Variants in PHLDB2 observed in about 807,000 individuals in gnomAD.
PHLDB2 encodes pleckstrin homology like domain family B member 2.
Under a neutral mutation model 123.6 loss-of-function variants are expected in PHLDB2, and 71 were observed. That is an observed-to-expected ratio of 0.57 (90% CI 0.47 to 0.70). The LOEUF (loss-of-function observed/expected upper bound fraction) is 0.70, where lower values mean the gene tolerates loss of function less well. Among genes scored for constraint, PHLDB2 ranks in the 30% least tolerant of loss-of-function variants. The probability of loss-of-function intolerance (pLI) is 0.00; values close to 1 mark genes in which losing one functional copy is unlikely to be tolerated. For missense variants in PHLDB2, 1,446 were observed against 1,519.5 expected (o/e 0.95, Z 0.80); for synonymous variants, 547 against 541.6 (o/e 1.01, Z -0.14).
chr3:111,767,073 A>T (rs1376543611), intron 1 of PHLDB2, among the ~76,000 whole-genome samples: 1 of 150,126 alleles, frequency 6.7e-6, no homozygotes, highest in Admixed American at 6.6e-5. Flanking sequence ...AAACAGTATT[A>T]AAGCAAAGGA....
intron 9 of PHLDB2, among the ~76,000 whole-genome samples, chr3:111,947,408 C>T (rs956633125): frequency 2.0e-5 from 3 of 152,164 alleles, no homozygotes; most frequent in Non-Finnish European, 4.4e-5. Context: ...CTTTCCTGTA[C>T]AAAGCAGACT....
intron 1 of PHLDB2, among the ~76,000 whole-genome samples, chr3:111,818,165 G>GTTGTGT: frequency 6.8e-6 from 1 of 147,706 alleles, no homozygotes; most frequent in East Asian, 2.0e-4. Flanking sequence ...TTAAAAAACT[G>GTTGTGT]GTGTGTGTGT....
chr3:111,744,421 G>C (rs999693824), intron 1 of PHLDB2, among the ~76,000 whole-genome samples: 1 of 152,078 alleles, frequency 6.6e-6, no homozygotes, highest in African/African-American at 2.4e-5. Flanking sequence ...ATATAACTTT[G>C]GATTTATTCA....
Position 111,801,340 on chromosome 3 carries a change from A to G in PHLDB2, c.-48-44481A>G, listed in dbSNP as rs2061369961. Among the ~76,000 whole-genome samples, 3 of 152,172 alleles carry G rather than the reference A, an allele frequency of 2.0e-5. No individual in the cohort carries two copies. In the South Asian group the frequency reaches 6.2e-4, roughly 32 times the overall value. On this transcript the variant is annotated intron_variant, in intron 1 of 17. Coordinates refer to the PHLDB2 transcript ENST00000393923. ...CCTCCCTCCTCTAATCTAAGTTTCA[A>G]GGGGTAAGTAGACACAGAAACTAAA...
rs934548772 is a variant in PHLDB2 at position 111,883,980 on chromosome 3, T to C, written c.-14-84T>C. On this transcript the variant is annotated intron_variant, in intron 1 of 17. Coordinates refer to ENST00000431670, the MANE Select transcript of PHLDB2 (RefSeq NM_001134438.2). ...GTTGCATTAGGTCAGACTGCAAGAT[T>C]GTTTGTTCAGATGTAGGCCTAACAA... 37 of 1,307,498 alleles carry C rather than the reference T, an allele frequency of 2.8e-5. No homozygotes were observed. The African/African-American group carries it at 5.0e-4, about 18-fold the overall frequency. The allele number at this position is 1,307,498 out of a possible 1,614,324, so 81.0% of individuals were successfully genotyped here.
intron 4 of PHLDB2, among the ~76,000 whole-genome samples, chr3:111,919,444 C>G (rs904404672): frequency 6.6e-6 from 1 of 151,828 alleles, no homozygotes; most frequent in Non-Finnish European, 1.5e-5. Context: ...CTTTAATGTA[C>G]TTTATGAATC....
chr3:111,967,847 A>G, intron 15 of PHLDB2, 23 bp downstream of exon 15: 1 of 1,587,180 alleles, frequency 6.3e-7, no homozygotes, highest in Non-Finnish European at 8.5e-7. Context: ...ATCTGAATGC[A>G]TATGGGCAGG....
chr3:111,783,274 A>G (rs759288706), intron 1 of PHLDB2, among the ~76,000 whole-genome samples: 1 of 152,112 alleles, frequency 6.6e-6, no homozygotes, highest in Non-Finnish European at 1.5e-5. Flanking sequence ...CCAACACGTG[A>G]TAACCTTTGC....
intron 1 of PHLDB2, among the ~76,000 whole-genome samples, chr3:111,773,481 G>A (rs144120624): frequency 3.9e-5 from 6 of 152,260 alleles, no homozygotes; most frequent in Non-Finnish European, 7.4e-5. Context: ...TTTAGATAGG[G>A]TTTTTCCTGA....
chr3:111,800,703 C>T (rs951624606), intron 1 of PHLDB2, among the ~76,000 whole-genome samples: 6 of 152,116 alleles, frequency 3.9e-5, no homozygotes, highest in Non-Finnish European at 5.9e-5. Flanking sequence ...GCAAGTTACA[C>T]GTTAACTAAG....
At position 111,871,559 on chromosome 3, in the gene PHLDB2, T is replaced by C. The variant is rs1283979884; in HGVS notation, c.-15+11983T>C. ...GTCCCAGCTACTGGAGATGCTGAAG[T>C]GGGAGAATGGCTTGAGCCCGGGAGG... On this transcript the variant is annotated intron_variant, in intron 1 of 17. Coordinates refer to ENST00000431670, the MANE Select transcript of PHLDB2 (RefSeq NM_001134438.2). 3.3e-5 allele frequency among the ~76,000 whole-genome samples: 5 copies of C among 150,978 alleles called. No homozygotes were observed. The East Asian group carries it at 9.7e-4, about 29-fold the overall frequency.
chr3:111,766,286 C>A (rs1405024208), intron 1 of PHLDB2, among the ~76,000 whole-genome samples: 6 of 151,252 alleles, frequency 4.0e-5, no homozygotes, highest in East Asian at 2.0e-4. Context: ...ACAACAACAA[C>A]AAAAAAATTA....
chr3:111,922,989 T>C (rs2068606512), intron 5 of PHLDB2, among the ~76,000 whole-genome samples: 1 of 152,194 alleles, frequency 6.6e-6, no homozygotes, highest in African/African-American at 2.4e-5. Flanking sequence ...AGTTTCTCTC[T>C]CTTTACTGTC....
intron 1 of PHLDB2, among the ~76,000 whole-genome samples, chr3:111,805,998 GT>G (rs917643134): frequency 6.6e-6 from 1 of 150,396 alleles, no homozygotes; most frequent in African/African-American, 2.4e-5. Flanking sequence ...TTGGTCAAGA[GT>G]TATCAATTGG....
rs762523017 is a variant in PHLDB2, at chr3:111,962,196, T to G, written c.2961T>G (p.Asn987Lys). 4 of 1,582,222 alleles carry G rather than the reference T, an allele frequency of 2.5e-6. No individual in the cohort carries two copies. The African/African-American group carries it at 5.5e-5, about 22-fold the overall frequency. ...CATCTGAATCAAATGTCTACTTGAATAGTTTCCATTATCCAGATCACAGCT... is the reference window on the plus strand; with the variant it reads ...CATCTGAATCAAATGTCTACTTGAAGAGTTTCCATTATCCAGATCACAGCT... ...RTASESNVYL[N>K]SFHYPDHSYK... Residue 987 changes from asparagine (N) to lysine (K), a missense_variant, in exon 13 of 18, where the codon AAT (asparagine) becomes AAG (lysine). Transcript: ENST00000431670.
intron 2 of PHLDB2, among the ~76,000 whole-genome samples, chr3:111,895,338 C>T (rs1033496957): frequency 2.0e-5 from 3 of 152,144 alleles, no homozygotes; most frequent in Non-Finnish European, 4.4e-5. Context: ...GTTCAGCTTT[C>T]TCAGGCTAAA....
chr3:111,830,770 C>T (rs556754231), intron 1 of PHLDB2, among the ~76,000 whole-genome samples: 309 of 116,776 alleles, frequency 2.6e-3, no homozygotes, highest in Non-Finnish European at 4.4e-3. Flanking sequence ...GATCCCGCCA[C>T]TGCACTCCAG....
At chr3:111,894,928 T>TTGTG (rs1190597716) in intron 2 of PHLDB2, among the ~76,000 whole-genome samples, 1 of 117,260 alleles carries the variant, frequency 8.5e-6, no homozygotes, top group Non-Finnish European at 1.9e-5. Context: ...AATTGCTGGT[T>TTGTG]TGCGTGTGTG....
Position 111,868,178 on chromosome 3 carries a change from C to T in PHLDB2, c.-15+8602C>T, listed in dbSNP as rs2065173526. 2.0e-5 allele frequency among the ~76,000 whole-genome samples: 3 copies of T among 152,158 alleles called. No homozygotes were observed. In the South Asian group the frequency reaches 6.2e-4, roughly 32 times the overall value. The stretch of plus-strand genomic sequence containing the variant: ...GGAAATACAGGCATGCACCACCATG[C>T]CTGGCTAATTTTTTAAATTTCTGTA... On this transcript the variant is annotated intron_variant, in intron 1 of 17. Coordinates refer to ENST00000431670, the MANE Select transcript of PHLDB2 (RefSeq NM_001134438.2).
Sources: gnomAD v4.1 joint callset for allele counts (sites outside exome capture counted in the v4.1 genomes callset) on GRCh38, gnomAD v4.1.1 for gene constraint, MANE v1.5 for transcripts, NCBI Gene and HGNC (gene_info 2026-07-23, HGNC 2026-07-21) for gene names.